The following TBCD variants were observed in gnomAD, a reference collection of about 807,000 sequenced individuals.
TBCD encodes the protein tubulin-specific chaperone D.
Under a neutral mutation model 169.3 loss-of-function variants are expected in TBCD, and 105 were observed. The ratio of observed to expected loss-of-function variants is 0.62; its 90% CI spans 0.53 to 0.73. TBCD has a LOEUF of 0.73. TBCD is among the 30% of genes least tolerant of loss of function. The pLI is 0.00. For missense variants in TBCD, 1,444 were observed against 1,600.1 expected, an observed-to-expected ratio of 0.90 and a Z score of 1.66; for synonymous variants, 700 against 643.9, an observed-to-expected ratio of 1.09 and a Z score of -1.32.
chr17:82,753,261 C>T (rs1465315372), intron 1 of TBCD, among the ~76,000 whole-genome samples: 2 of 152,050 alleles, frequency 1.3e-5, no homozygotes, highest in African/African-American at 4.8e-5. Flanking sequence ...GGCGTCAGAT[C>T]CTCCTGCCTG....
At chr17:82,791,885 A>G (rs1474018186) in intron 7 of TBCD, among the ~76,000 whole-genome samples, 2 of 149,422 alleles carry the variant, frequency 1.3e-5, no homozygotes, top group East Asian at 3.9e-4. Context: ...GGCCTGCTGC[A>G]CTCCCAGGCC....
At chr17:82,753,748 C>A (rs117897974) in intron 1 of TBCD, among the ~76,000 whole-genome samples, 1 of 151,580 alleles carries the variant, frequency 6.6e-6, no homozygotes, top group Non-Finnish European at 1.5e-5. Context: ...CCACTGCGCT[C>A]GGCCCCAGTG....
At position 82,920,664 on chromosome 17, in the gene TBCD, T is replaced by C. The variant is rs2061365407; in HGVS notation, c.2101+46T>C. The C allele has an allele frequency of 2.7e-6, 4 of 1,471,612 alleles. No individual in the cohort carries two copies. Among genetic ancestry groups the C allele is most frequent in the Non-Finnish European group, 2.8e-6 (3 of 1,085,828 alleles). 91.2% of individuals were successfully genotyped at this position (1,471,612 alleles called of 1,614,324 possible). A position where few individuals can be genotyped will look rare whatever the true frequency, so the allele number is the denominator to read the frequency against. On this transcript the variant is annotated intron_variant, in intron 24 of 38. Coordinates refer to ENST00000355528, the MANE Select transcript of TBCD (RefSeq NM_005993.5). The surrounding 1 kb of genome is among the most constrained non-coding windows in gnomAD (Gnocchi z 4.1). ...TAATAGCATTTTCTTACAGAATGACTTCAGATTAAAAGGTAAAAATGAACC... is the reference window on the plus strand; with the variant it reads ...TAATAGCATTTTCTTACAGAATGACCTCAGATTAAAAGGTAAAAATGAACC...
chr17:82,759,575 G>A (rs1161911058), intron 2 of TBCD, among the ~76,000 whole-genome samples: 1 of 152,074 alleles, frequency 6.6e-6, no homozygotes, highest in African/African-American at 2.4e-5. Context: ...ATCCTGCCTT[G>A]GCCTCCCACA....
rs998984937 is a variant in TBCD, at chr17:82,842,319, C to T, written c.1318+27385C>T. ...ACGGCAGGGAGGGAGCTTATCCCAG[C>T]GCCTGGCTGGGTGTTTACCTCCTCG... On this transcript the variant is annotated intron_variant, in intron 13 of 38. Coordinates refer to ENST00000355528, the MANE Select transcript of TBCD (RefSeq NM_005993.5). Among the ~76,000 whole-genome samples, 18 of 152,338 alleles carry T rather than the reference C, an allele frequency of 1.2e-4. No homozygotes were observed. In the South Asian group the frequency reaches 2.7e-3, roughly 23 times the overall value.
At chr17:82,779,097 C>T (rs764034619) in intron 6 of TBCD, among the ~76,000 whole-genome samples, 28 of 148,000 alleles carry the variant, frequency 1.9e-4, no homozygotes, top group Non-Finnish European at 3.7e-4. Context: ...CTGCAACCTC[C>T]GCCTCCTGAG....
intron 13 of TBCD, among the ~76,000 whole-genome samples, chr17:82,843,578 ACCCTT>A (rs1320042260): frequency 2.8e-4 from 28 of 100,500 alleles, no homozygotes; most frequent in African/African-American, 1.0e-3. Context: ...CAGCTTACTT[ACCCTT>A]CCCTTCCCCT....
intron 7 of TBCD, among the ~76,000 whole-genome samples, chr17:82,792,492 C>G (rs148304393): frequency 4.1e-4 from 62 of 152,262 alleles, no homozygotes; most frequent in African/African-American, 1.4e-3. Flanking sequence ...CTGTCATGAA[C>G]AGATTGATAA....
chr17:82,932,866 G>C, intron 34 of TBCD, 131 bp downstream of exon 34: 2 of 825,574 alleles, frequency 2.4e-6, no homozygotes, highest in Non-Finnish European at 3.9e-6. Flanking sequence ...GTCAGTTATG[G>C]TGACTGTAAA....
intron 16 of TBCD, 120 bp from the exon 17 acceptor site, chr17:82,893,427 A>G: frequency 2.7e-6 from 2 of 753,254 alleles, no homozygotes; most frequent in Non-Finnish European, 4.3e-6. Context: ...CTTGCTCACC[A>G]CCTGCCTCAG....
At chr17:82,774,449 T>G (rs1424103055) in intron 6 of TBCD, among the ~76,000 whole-genome samples, 2 of 152,242 alleles carry the variant, frequency 1.3e-5, no homozygotes, top group Non-Finnish European at 2.9e-5. Flanking sequence ...TGTCTACTTC[T>G]TTCTACACAG....
rs770560455 is a variant in TBCD at position 82,806,029 on chromosome 17, G to A, written c.1087+18G>A. ...TGTGATAGGTGCGTGGGGTCTAAGCGGCGGCCTCTGCTCTTGGGCACCGTC... is the reference window on the plus strand; with the variant it reads ...TGTGATAGGTGCGTGGGGTCTAAGCAGCGGCCTCTGCTCTTGGGCACCGTC... On this transcript the variant is annotated intron_variant, in intron 10 of 38. Transcript: ENST00000355528. This position sits in a 1 kb window ranked among gnomAD's most constrained non-coding sequence, Gnocchi z 5.1. 4.2e-5 allele frequency: 67 copies of A among 1,606,638 alleles called. No individual in the cohort carries two copies. Among genetic ancestry groups the A allele is most frequent in the Non-Finnish European group, 5.1e-5 (60 of 1,174,126 alleles).
At chr17:82,881,739 T>G (rs1199286226) in intron 14 of TBCD, among the ~76,000 whole-genome samples, 1 of 152,210 alleles carries the variant, frequency 6.6e-6, no homozygotes, top group African/African-American at 2.4e-5. Context: ...TATTATGTTG[T>G]TTCTGTTTTA....
At chr17:82,821,043 C>A (rs538484014) in intron 13 of TBCD, among the ~76,000 whole-genome samples, 46 of 152,304 alleles carry the variant, frequency 3.0e-4, no homozygotes, top group African/African-American at 1.1e-3. Flanking sequence ...GCAGCCTCAA[C>A]CTCCCAGGCC....
intron 13 of TBCD, among the ~76,000 whole-genome samples, chr17:82,847,726 A>G (rs967104678): frequency 2.6e-5 from 4 of 152,102 alleles, no homozygotes; most frequent in African/African-American, 9.7e-5. Flanking sequence ...AGTTCAAGTC[A>G]TTCTCCTGCC....
At chr17:82,790,972 C>T (rs901410769) in intron 7 of TBCD, among the ~76,000 whole-genome samples, 2 of 152,118 alleles carry the variant, frequency 1.3e-5, no homozygotes, top group Non-Finnish European at 2.9e-5. Flanking sequence ...TCCCTGCCGC[C>T]GTTGCCCTCC....
In TBCD at chr17:82,832,817, T is replaced by G. The variant is rs1275888938; in HGVS notation, c.1318+17883T>G. On this transcript the variant is annotated intron_variant, in intron 13 of 38. Coordinates refer to ENST00000355528, the MANE Select transcript of TBCD (RefSeq NM_005993.5). The surrounding 1 kb of genome is among the most constrained non-coding windows in gnomAD (Gnocchi z 4.9). Reference sequence around the variant, plus strand: ...CAGCCCTGCCCTACCCTTGGTAACCTGGCTGCTGACTCCCCACCGTGTTTT... The same window carrying G: ...CAGCCCTGCCCTACCCTTGGTAACCGGGCTGCTGACTCCCCACCGTGTTTT... Among the ~76,000 whole-genome samples, 1 of 152,208 alleles carries G rather than the reference T, an allele frequency of 6.6e-6. No homozygotes were observed. The highest frequency in any genetic ancestry group is 1.5e-5 in the Non-Finnish European group (1 of 68,040).
intron 13 of TBCD, among the ~76,000 whole-genome samples, chr17:82,828,046 C>T (rs572407217): frequency 1.3e-5 from 2 of 149,390 alleles, no homozygotes; most frequent in Non-Finnish European, 3.0e-5. Flanking sequence ...ATTCAATATG[C>T]ATACACCCAC....
intron 22 of TBCD, among the ~76,000 whole-genome samples, chr17:82,910,711 G>GC (rs962067938): frequency 6.6e-6 from 1 of 152,006 alleles, no homozygotes; most frequent in African/African-American, 2.4e-5. Flanking sequence ...GACTACAGGT[G>GC]CCCCCCATCA....
Sources: gnomAD v4.1 joint callset for allele counts (sites outside exome capture counted in the v4.1 genomes callset) on GRCh38, gnomAD v4.1.1 for gene constraint, Gnocchi (gnomAD v3.1) non-coding constraint, MANE v1.5 for transcripts, NCBI Gene and HGNC (gene_info 2026-07-23, HGNC 2026-07-21) for gene names.